The following RIN2 variants were observed in gnomAD, a reference collection of about 807,000 sequenced individuals.
The protein encoded by RIN2 is RAB5 interacting protein 2.
In RIN2, 36 loss-of-function variants were observed where a neutral mutation model predicts 78.0. The ratio of observed to expected loss-of-function variants is 0.46; its 90% CI spans 0.35 to 0.61. RIN2 has a LOEUF of 0.61. Ranked by LOEUF, RIN2 falls within the 20% of genes least tolerant of loss-of-function variation. The pLI, the probability that RIN2 is intolerant of heterozygous loss-of-function variation, is 0.00. For missense variants in RIN2, 1,087 were observed against 1,159.7 expected (o/e 0.94, Z 0.91); for synonymous variants, 466 against 466.8 (o/e 1.00, Z 0.02).
chr20:19,886,349 T>C (rs780778037), intron 2 of RIN2, among the ~76,000 whole-genome samples: 18 of 152,162 alleles, frequency 1.2e-4, no homozygotes, highest in Admixed American at 7.2e-4. Flanking sequence ...CCTTTCTGCT[T>C]TTTAAGGACA....
chr20:19,912,475 C>CTTTTTTTTTTTTTTTTTTTTTTTTTT (rs545323465), intron 3 of RIN2, among the ~76,000 whole-genome samples: 1 of 110,932 alleles, frequency 9.0e-6, no homozygotes, highest in Non-Finnish European at 1.7e-5. Flanking sequence ...TTTTCTTTTT[C>CTTTTTTTTTTTTTTTTTTTTTTTTTT]TTTTTTTTTT....
chr20:19,943,975 CTTTTTTTT>C (rs58524523), intron 4 of RIN2, among the ~76,000 whole-genome samples: 23 of 95,908 alleles, frequency 2.4e-4, no homozygotes, highest in East Asian at 3.4e-4. Context: ...TTTCAATATC[CTTTTTTTT>C]TTTTTTTTTT....
intron 3 of RIN2, among the ~76,000 whole-genome samples, chr20:19,915,698 G>C (rs572901098): frequency 6.6e-6 from 1 of 152,130 alleles, no homozygotes; most frequent in East Asian, 1.9e-4. Context: ...TCACAAGACC[G>C]AAAATGGCTG....
intron 2 of RIN2, among the ~76,000 whole-genome samples, chr20:19,841,471 C>T (rs968180076): frequency 3.3e-5 from 5 of 152,096 alleles, no homozygotes; most frequent in Admixed American, 6.5e-5. Context: ...ATTGAAATGA[C>T]GATCTGAACC....
chr20:19,783,840 G>A (rs1387040997), intron 1 of RIN2, among the ~76,000 whole-genome samples: 2 of 152,166 alleles, frequency 1.3e-5, no homozygotes, highest in Non-Finnish European at 2.9e-5. Flanking sequence ...GGCTACTGGG[G>A]TCTGGGAACT....
chr20:19,767,074 G>A (rs942546508), intron 1 of RIN2, among the ~76,000 whole-genome samples: 5 of 152,174 alleles, frequency 3.3e-5, no homozygotes, highest in African/African-American at 7.2e-5. Context: ...TGGGGAAAAG[G>A]CATACAGATT....
intron 7 of RIN2, 98 bp from the exon 8 acceptor site, chr20:19,970,740 T>A (rs1436516566): frequency 1.0e-6 from 1 of 955,258 alleles, no homozygotes; most frequent in African/African-American, 1.6e-5. Flanking sequence ...TAGGACATTT[T>A]AAACAGTTTA....
At chr20:19,908,384 G>A (rs1418299425) in intron 3 of RIN2, among the ~76,000 whole-genome samples, 1 of 151,928 alleles carries the variant, frequency 6.6e-6, no homozygotes, top group African/African-American at 2.4e-5. Context: ...CCAGCTACTC[G>A]GGAGGCTGAG....
chr20:19,761,403 G>GT (rs2033635985), intron 1 of RIN2, among the ~76,000 whole-genome samples: 2 of 152,130 alleles, frequency 1.3e-5, no homozygotes, highest in African/African-American at 4.8e-5. Flanking sequence ...AATGTTGTCT[G>GT]TTTTTTTATG....
At chr20:19,847,702 TATTTAA>T (rs1568810952) in intron 2 of RIN2, among the ~76,000 whole-genome samples, 1 of 152,204 alleles carries the variant, frequency 6.6e-6, no homozygotes, top group African/African-American at 2.4e-5. Flanking sequence ...ATTGGTTACA[TATTTAA>T]GTGGCATTTT....
intron 2 of RIN2, among the ~76,000 whole-genome samples, chr20:19,819,724 G>T (rs2035874967): frequency 1.3e-5 from 2 of 152,054 alleles, no homozygotes; most frequent in African/African-American, 2.4e-5. Flanking sequence ...TGTAGAGATG[G>T]GGTCTCACTA....
intron 3 of RIN2, among the ~76,000 whole-genome samples, chr20:19,922,471 G>T (rs982108686): frequency 8.6e-5 from 13 of 152,030 alleles, no homozygotes; most frequent in African/African-American, 2.9e-4. Context: ...GGGATTTTCA[G>T]ATCTGAAAAA....
At chr20:19,986,844 T>A (rs1246816402) in intron 9 of RIN2, among the ~76,000 whole-genome samples, 4 of 152,226 alleles carry the variant, frequency 2.6e-5, no homozygotes, top group Non-Finnish European at 5.9e-5. Flanking sequence ...AGTGTGTAAA[T>A]CTTAAGTACT....
intron 4 of RIN2, among the ~76,000 whole-genome samples, chr20:19,956,213 G>A (rs571670579): frequency 3.1e-4 from 43 of 138,440 alleles, no homozygotes; most frequent in African/African-American, 8.9e-4. Flanking sequence ...AGCCCAGATC[G>A]CGCCACTGCA....
At chr20:19,781,958 T>G (rs1219455012) in intron 1 of RIN2, among the ~76,000 whole-genome samples, 1 of 152,034 alleles carries the variant, frequency 6.6e-6, no homozygotes, top group African/African-American at 2.4e-5. Flanking sequence ...TTTCCCATGG[T>G]AGGTTACTAA....
chr20:19,823,375 T>A, intron 2 of RIN2: 1 of 619,960 alleles, frequency 1.6e-6, no homozygotes, highest in Non-Finnish European at 2.8e-6. Flanking sequence ...GGTGGTAACA[T>A]CTGCTCTGCC....
At chr20:19,841,715 T>C in intron 2 of RIN2, among the ~76,000 whole-genome samples, 1 of 152,218 alleles carries the variant, frequency 6.6e-6, no homozygotes, top group East Asian at 1.9e-4. Context: ...ACTGCCCTTG[T>C]ACCTACTCTG....
intron 10 of RIN2, among the ~76,000 whole-genome samples, chr20:19,990,659 G>A (rs1297831800): frequency 6.6e-6 from 1 of 151,858 alleles, no homozygotes; most frequent in Non-Finnish European, 1.5e-5. Flanking sequence ...AATCAACCTT[G>A]CACGCTGTAG....
Position 19,975,194 on chromosome 20 carries a change from T to TGGGCAC in RIN2, c.1170_1175dup (p.Gly391_Thr392dup). ...CCGGGCGCAGGCCCGGAGCTGGAGCTGGGCACAGCTGGCAGCCCAGGTGGG... is the reference window on the plus strand; with the variant it reads ...CCGGGCGCAGGCCCGGAGCTGGAGCTGGGCACGGGCACAGCTGGCAGCCCAGGTGGG... On this transcript the variant is annotated inframe_insertion, in exon 9 of 13. Coordinates refer to ENST00000255006, the MANE Select transcript of RIN2 (RefSeq NM_018993.4). This position sits in a 1 kb window ranked among gnomAD's most constrained non-coding sequence, Gnocchi z 4.9. 1 of 1,603,278 alleles carries TGGGCAC rather than the reference T, an allele frequency of 6.2e-7. No individual in the cohort carries two copies. The highest frequency in any genetic ancestry group is 1.7e-4 in the Middle Eastern group (1 of 5,980).
Sources: gnomAD v4.1 joint callset for allele counts (sites outside exome capture counted in the v4.1 genomes callset) on GRCh38, gnomAD v4.1.1 for gene constraint, Gnocchi (gnomAD v3.1) non-coding constraint, MANE v1.5 for transcripts, NCBI Gene and HGNC (gene_info 2026-07-23, HGNC 2026-07-21) for gene names.